The following AKAP13 variants were observed in gnomAD, a reference collection of about 807,000 sequenced individuals.
The protein encoded by AKAP13 is A-kinase anchoring protein 13.
A neutral mutation model predicts 264.5 loss-of-function variants in AKAP13; 80 were observed. The observed-to-expected ratio is 0.30, with a 90% CI of 0.25 to 0.36. AKAP13 has a LOEUF of 0.36. Among genes scored for constraint, AKAP13 ranks in the 10% least tolerant of loss-of-function variants. AKAP13 has a pLI of 1.00. For synonymous variants in AKAP13, 1,380 were observed against 1,250.2 expected (o/e 1.10, Z -2.19); for missense variants, 3,712 against 3,435.2 (o/e 1.08, Z -2.01).
chr15:85,425,552 C>T (rs2150910247), intron 1 of AKAP13, among the ~76,000 whole-genome samples: 1 of 151,962 alleles, frequency 6.6e-6, no homozygotes, highest in East Asian at 1.9e-4. Context: ...CTCTTCTCTA[C>T]CAAAAATATA....
intron 5 of AKAP13, among the ~76,000 whole-genome samples, chr15:85,568,403 C>T (rs538655409): frequency 1.3e-5 from 2 of 152,182 alleles, no homozygotes; most frequent in African/African-American, 4.8e-5. Context: ...TAAGCCAGAC[C>T]GAAAGATGGG....
intron 9 of AKAP13, among the ~76,000 whole-genome samples, chr15:85,639,757 C>A (rs148781289): frequency 2.4e-4 from 37 of 152,248 alleles, no homozygotes; most frequent in Middle Eastern, 3.4e-3. Context: ...TACTGTTAAC[C>A]AAACCTGAGG....
At chr15:85,543,001 C>T (rs1003421889) in intron 4 of AKAP13, among the ~76,000 whole-genome samples, 6 of 152,138 alleles carry the variant, frequency 3.9e-5, no homozygotes, top group Non-Finnish European at 8.8e-5. Flanking sequence ...AGATTCGAAC[C>T]CTGATTTGTC....
chr15:85,443,749 C>A (rs1329651877), intron 1 of AKAP13, among the ~76,000 whole-genome samples: 1 of 143,038 alleles, frequency 7.0e-6, no homozygotes, highest in African/African-American at 2.5e-5. Context: ...GTAAAAAGCA[C>A]TGGTTTCATG....
At chr15:85,575,043 G>A in intron 5 of AKAP13, 88 bp from the exon 6 acceptor site, 1 of 1,328,482 alleles carries the variant, frequency 7.5e-7, no homozygotes, top group South Asian at 1.2e-5. Flanking sequence ...GAACAATCAG[G>A]TTAGAAATAC....
rs555767143 is a variant in AKAP13, at chr15:85,429,733, T to C, written c.-12+48935T>C. Among the ~76,000 whole-genome samples the C allele has an allele frequency of 2.0e-5, 3 of 152,324 alleles. No homozygotes were observed. The South Asian group carries it at 6.2e-4, about 32-fold the overall frequency. ...GGGAGGCTATTCTCAGTCCTGGCTC[T>C]GGATGAGAATATCCTGGCGAGATTT... On this transcript the variant is annotated intron_variant, in intron 1 of 36. Coordinates refer to ENST00000394518, the MANE Select transcript of AKAP13 (RefSeq NM_007200.5).
chr15:85,440,974 TAAAA>T (rs775330449), intron 1 of AKAP13, among the ~76,000 whole-genome samples: 1 of 152,138 alleles, frequency 6.6e-6, no homozygotes, highest in South Asian at 2.1e-4. Flanking sequence ...AGAGAAACTC[TAAAA>T]AAACAAAACA....
At chr15:85,668,865 C>T (rs2083749715) in intron 13 of AKAP13, among the ~76,000 whole-genome samples, 1 of 151,892 alleles carries the variant, frequency 6.6e-6, no homozygotes, top group Non-Finnish European at 1.5e-5. Context: ...ATCGCTTGAA[C>T]CTGGGAGGCA....
At chr15:85,386,915 T>C (rs1331683467) in intron 1 of AKAP13, among the ~76,000 whole-genome samples, 1 of 152,222 alleles carries the variant, frequency 6.6e-6, no homozygotes, top group Non-Finnish European at 1.5e-5. Flanking sequence ...GTGTGAGTTA[T>C]CTTATTATTT....
intron 1 of AKAP13, among the ~76,000 whole-genome samples, chr15:85,399,006 A>G (rs1425014741): frequency 2.6e-5 from 4 of 152,132 alleles, no homozygotes; most frequent in Admixed American, 6.5e-5. Flanking sequence ...GGACAGCCTT[A>G]TACATACATC....
intron 5 of AKAP13, 115 bp downstream of exon 5, chr15:85,544,070 G>C: frequency 6.3e-6 from 8 of 1,277,670 alleles, no homozygotes; most frequent in Non-Finnish European, 8.9e-6. Flanking sequence ...TAAAACCTCA[G>C]CTCTGTATCT....
intron 2 of AKAP13, among the ~76,000 whole-genome samples, chr15:85,499,307 A>G (rs2075978813): frequency 6.6e-6 from 1 of 152,138 alleles, no homozygotes; most frequent in South Asian, 2.1e-4. Context: ...TGATATTTTT[A>G]TGTCACTTAG....
intron 1 of AKAP13, among the ~76,000 whole-genome samples, chr15:85,445,074 A>G (rs962904993): frequency 6.6e-6 from 1 of 152,146 alleles, no homozygotes; most frequent in African/African-American, 2.4e-5. Flanking sequence ...ATTCAGTCAA[A>G]AAGCCCTTAT....
At chr15:85,582,170 G>A (rs1013928051) in intron 7 of AKAP13, 63 bp downstream of exon 7, 3 of 1,489,700 alleles carry the variant, frequency 2.0e-6, no homozygotes, top group Non-Finnish European at 2.7e-6. Flanking sequence ...AGTCACTGTG[G>A]TGTCCTGGTA....
chr15:85,662,880 C>T (rs1003333429), intron 12 of AKAP13, among the ~76,000 whole-genome samples: 1 of 152,192 alleles, frequency 6.6e-6, no homozygotes, highest in Non-Finnish European at 1.5e-5. Context: ...ATATTCTTCT[C>T]TCAACTGAAC....
chr15:85,728,137 G>A (rs981460939), intron 29 of AKAP13, among the ~76,000 whole-genome samples: 2 of 152,150 alleles, frequency 1.3e-5, no homozygotes, highest in African/African-American at 2.4e-5. Flanking sequence ...TGGTACTCAC[G>A]TATGTAGTTA....
intron 29 of AKAP13, among the ~76,000 whole-genome samples, chr15:85,728,706 G>A (rs1488756811): frequency 6.6e-6 from 1 of 152,158 alleles, no homozygotes; most frequent in Non-Finnish European, 1.5e-5. Flanking sequence ...GAGTGGTTAT[G>A]TGCAAAGGTG....
At chr15:85,410,686 C>G (rs1182266940) in intron 1 of AKAP13, among the ~76,000 whole-genome samples, 3 of 151,444 alleles carry the variant, frequency 2.0e-5, no homozygotes, top group Non-Finnish European at 2.9e-5. Context: ...GTGCTGTGCT[C>G]TCTGCTTGGA....
At chr15:85,666,288 A>AT (rs1460677024) in intron 13 of AKAP13, among the ~76,000 whole-genome samples, 3 of 151,266 alleles carry the variant, frequency 2.0e-5, no homozygotes, top group African/African-American at 7.3e-5. Flanking sequence ...GATGATGAGC[A>AT]TTTTTTCATG....
Sources: gnomAD v4.1 joint callset for allele counts (sites outside exome capture counted in the v4.1 genomes callset) on GRCh38, gnomAD v4.1.1 for gene constraint, MANE v1.5 for transcripts, NCBI Gene and HGNC (gene_info 2026-07-23, HGNC 2026-07-21) for gene names.